NXPH2: variants seen among roughly 807,000 people sequenced by gnomAD.
NXPH2 encodes the protein neurexophilin 2.
NXPH2 carries 5 observed loss-of-function variants against 19.8 expected under a neutral mutation model. That is an observed-to-expected ratio of 0.25 (90% confidence interval 0.13 to 0.53). NXPH2 has a LOEUF of 0.53. Among genes scored for constraint, NXPH2 ranks in the 20% least tolerant of loss-of-function variants. NXPH2 has a pLI of 0.96. For synonymous variants in NXPH2, 154 were observed against 127.4 expected (o/e 1.21, Z -1.41); for missense variants, 289 against 322.8 (o/e 0.90, Z 0.80).
intron 1 of NXPH2, among the ~76,000 whole-genome samples, chr2:138,778,857 A>G (rs1406907021): frequency 2.0e-5 from 3 of 152,172 alleles, no homozygotes; most frequent in African/African-American, 7.2e-5. Context: ...TCATTCAAGG[A>G]TATTTGGGCA....
chr2:138,694,498 C>T (rs1234433035), intron 1 of NXPH2, among the ~76,000 whole-genome samples: 9 of 152,032 alleles, frequency 5.9e-5, no homozygotes, highest in East Asian at 3.9e-4. Context: ...ATTGGAGTTA[C>T]GCTGCCACAA....
At chr2:138,705,175 G>T (rs1322621263) in intron 1 of NXPH2, among the ~76,000 whole-genome samples, 1 of 151,866 alleles carries the variant, frequency 6.6e-6, no homozygotes, top group Admixed American at 6.6e-5. Flanking sequence ...CGTTGCTCAG[G>T]CTGGTCTCCA....
intron 1 of NXPH2, among the ~76,000 whole-genome samples, chr2:138,763,900 A>T (rs1682052526): frequency 6.6e-6 from 1 of 152,164 alleles, no homozygotes; most frequent in African/African-American, 2.4e-5. Flanking sequence ...GGAGTTACTG[A>T]GTGATTTCTC....
At chr2:138,780,110 G>C in intron 1 of NXPH2, 81 bp downstream of exon 1, 2 of 1,374,500 alleles carry the variant, frequency 1.5e-6, no homozygotes, top group Non-Finnish European at 1.9e-6. Flanking sequence ...CCCAGGCTGG[G>C]CTCCAAGTCA....
chr2:138,764,991 T>C lies in NXPH2; in HGVS notation c.51+15200A>G, dbSNP rs147460678. Among the ~76,000 whole-genome samples, 38 of 152,318 alleles carry C rather than the reference T, an allele frequency of 2.5e-4. No homozygotes were observed. The East Asian group carries it at 6.4e-3, about 26-fold the overall frequency. On this transcript the variant is annotated intron_variant, in intron 1 of 1. Transcript: ENST00000272641. ...GGCCATTTCCTATATTAACCTTTGATAGAAGCTAAGAATACATTGATAAAG... is the reference window on the plus strand; with the variant it reads ...GGCCATTTCCTATATTAACCTTTGACAGAAGCTAAGAATACATTGATAAAG...
chr2:138,780,265 A>C lies in NXPH2; in HGVS notation c.-24T>G, dbSNP rs1458606627. 2 of 1,415,550 alleles carry C rather than the reference A, an allele frequency of 1.4e-6. No individual in the cohort carries two copies. Among genetic ancestry groups the C allele is most frequent in the South Asian group, 3.1e-5 (2 of 65,452 alleles). The allele number at this position is 1,415,550 out of a possible 1,614,324, so 87.7% of individuals were successfully genotyped here. A position where few individuals can be genotyped will look rare whatever the true frequency, so the allele number is the denominator to read the frequency against. On this transcript the variant is annotated 5_prime_UTR_variant, in exon 1 of 2. The change abolishes the stop of an existing upstream ORF in the 5' untranslated region. Coordinates refer to ENST00000272641, the MANE Select transcript of NXPH2 (RefSeq NM_007226.3). ...ATGGTGCCGGCTGGCGCGGCTTTTC[A>C]CGAGCTGCGCGCCCTCGCCTGCCTC...
At chr2:138,744,696 CCAGT>C (rs994070548) in intron 1 of NXPH2, among the ~76,000 whole-genome samples, 2 of 152,108 alleles carry the variant, frequency 1.3e-5, no homozygotes, top group African/African-American at 4.8e-5. Flanking sequence ...AACATGCTTC[CCAGT>C]CACTCTCTCT....
chr2:138,685,851 C>G (rs574856858), intron 1 of NXPH2, among the ~76,000 whole-genome samples: 3 of 152,234 alleles, frequency 2.0e-5, no homozygotes, highest in African/African-American at 7.2e-5. Flanking sequence ...CCAGAGTAAA[C>G]CATCAAAGTA....
chr2:138,765,987 C>G (rs1682083270), intron 1 of NXPH2, among the ~76,000 whole-genome samples: 1 of 152,194 alleles, frequency 6.6e-6, no homozygotes. Flanking sequence ...CCAGCCCTAA[C>G]AACTGATAAT....
chr2:138,771,619 T>C (rs1335163530), intron 1 of NXPH2, among the ~76,000 whole-genome samples: 1 of 152,054 alleles, frequency 6.6e-6, no homozygotes, highest in African/African-American at 2.4e-5. Flanking sequence ...GGTGAAAGAA[T>C]GGGAAAAAAG....
intron 1 of NXPH2, among the ~76,000 whole-genome samples, chr2:138,700,989 C>T (rs147550871): frequency 3.9e-5 from 6 of 152,016 alleles, no homozygotes; most frequent in East Asian, 1.9e-4. Flanking sequence ...TTAAGAAAAG[C>T]GACAAAGGCA....
At chr2:138,780,164 G>A in intron 1 of NXPH2, 27 bp downstream of exon 1, 2 of 1,475,724 alleles carry the variant, frequency 1.4e-6, no homozygotes, top group Admixed American at 2.4e-5. Flanking sequence ...CCCGGCGTGT[G>A]GGACGGCGCG....
At chr2:138,697,674 GT>G (rs1680848394) in intron 1 of NXPH2, among the ~76,000 whole-genome samples, 1 of 151,400 alleles carries the variant, frequency 6.6e-6, no homozygotes, top group African/African-American at 2.4e-5. Flanking sequence ...ACTTATCTCT[GT>G]TTCATTTTCA....
rs760187188 is a variant in NXPH2, at chr2:138,671,421, C to G, written c.296G>C (p.Arg99Pro). 1 of 1,613,996 alleles carries G rather than the reference C, an allele frequency of 6.2e-7. No homozygotes were observed. ...EIQEPLARTK[R>P]RPIVKTGKFK... The stretch of plus-strand genomic sequence containing the variant: ...TTTTCCTGTTTTTACTATTGGCCTC[C>G]GTTTAGTTCTTGCCAATGGCTCCTG... Residue 99 changes from arginine (R) to proline (P), a missense_variant, in exon 2 of 2, where the codon CGG (arginine) becomes CCG (proline). Physicochemically the swap from Arg to Pro is moderately radical, Grantham distance 103. Transcript: ENST00000272641.
intron 1 of NXPH2, among the ~76,000 whole-genome samples, chr2:138,775,498 G>T (rs1400828654): frequency 6.6e-6 from 1 of 152,000 alleles, no homozygotes; most frequent in Non-Finnish European, 1.5e-5. Flanking sequence ...AAATGCATTA[G>T]TAAATAAAGA....
rs2104848766 is a variant in NXPH2 at position 138,780,179 on chromosome 2, C to T, written c.51+12G>A. 1.3e-6 allele frequency: 2 copies of T among 1,490,182 alleles called. No homozygotes were observed. Among genetic ancestry groups the T allele is most frequent in the African/African-American group, 2.9e-5 (2 of 68,586 alleles). 92.3% of individuals were successfully genotyped at this position (1,490,182 alleles called of 1,614,324 possible). On this transcript the variant is annotated intron_variant, in intron 1 of 1. Coordinates refer to ENST00000272641, the MANE Select transcript of NXPH2 (RefSeq NM_007226.3). ...CCCGGCGTGTGGGACGGCGCGCGGG[C>T]CGGGCACTCACCAGCTGCAGCAAGC...
intron 1 of NXPH2, among the ~76,000 whole-genome samples, chr2:138,754,843 G>C (rs968031952): frequency 2.6e-5 from 4 of 152,102 alleles, no homozygotes. Flanking sequence ...CAATGAATGA[G>C]AGTTCCTGTT....
In NXPH2 at chr2:138,671,494, C is replaced by A. The variant is rs1680413283; in HGVS notation, c.223G>T (p.Asp75Tyr). Reference protein sequence around the residue: ...VPKPGPMAYADSMENFWDWLA... With the variant: ...VPKPGPMAYAYSMENFWDWLA... The stretch of plus-strand genomic sequence containing the variant: ...CAATCCCAAAAGTTTTCCATGCTGT[C>A]TGCGTACGCCATGGGGCCGGGCTTG... Residue 75 changes from aspartate to tyrosine, a missense_variant, in exon 2 of 2, where the codon GAC becomes TAC. Asp to Tyr is a radical substitution (Grantham distance 160). Coordinates refer to ENST00000272641, the MANE Select transcript of NXPH2 (RefSeq NM_007226.3). 3 of 1,613,982 alleles carry A rather than the reference C, an allele frequency of 1.9e-6. No homozygotes were observed. Among genetic ancestry groups the A allele is most frequent in the Middle Eastern group, 3.3e-4 (2 of 6,062 alleles).
chr2:138,748,100 T>C (rs1681769935), intron 1 of NXPH2, among the ~76,000 whole-genome samples: 1 of 152,204 alleles, frequency 6.6e-6, no homozygotes, highest in South Asian at 2.1e-4. Flanking sequence ...AATTACTTCA[T>C]GTATTCATTT....
Sources: allele counts gnomAD v4.1 joint callset (sites outside exome capture counted in the v4.1 genomes callset), GRCh38; gene constraint gnomAD v4.1.1; transcripts MANE v1.5; gene names NCBI Gene and HGNC (gene_info 2026-07-23, HGNC 2026-07-21).